CDKL3: variants seen among roughly 807,000 people sequenced by gnomAD.
CDKL3 encodes cyclin-dependent kinase-like 3.
In CDKL3, 65 loss-of-function variants were observed where a neutral mutation model predicts 69.3. The ratio of observed to expected loss-of-function variants is 0.94; its 90% CI spans 0.77 to 1.15. The LOEUF is 1.15. Among genes scored for constraint, CDKL3 ranks in the 50% most tolerant of loss-of-function variants. CDKL3 has a pLI of 0.00. For missense variants in CDKL3, 652 were observed against 689.2 expected, an observed-to-expected ratio of 0.95 and a Z score of 0.61; for synonymous variants, 202 against 221.6, an observed-to-expected ratio of 0.91 and a Z score of 0.79.
At chr5:134,331,916 G>C (rs953418446) in intron 4 of CDKL3, among the ~76,000 whole-genome samples, 1 of 151,610 alleles carries the variant, frequency 6.6e-6, no homozygotes, top group African/African-American at 2.4e-5. Context: ...TACACTCCCA[G>C]TGTAAAAGTG....
intron 4 of CDKL3, among the ~76,000 whole-genome samples, chr5:134,339,234 C>T (rs1416265303): frequency 2.0e-5 from 3 of 151,990 alleles, no homozygotes; most frequent in Non-Finnish European, 4.4e-5. Flanking sequence ...CAGCAAAAGG[C>T]AGAGACTGTC....
intron 6 of CDKL3, among the ~76,000 whole-genome samples, chr5:134,317,812 T>C (rs1372732967): frequency 6.6e-6 from 1 of 151,250 alleles, no homozygotes; most frequent in Non-Finnish European, 1.5e-5. Flanking sequence ...GGAGGCTGAG[T>C]TGGGAGGATC....
At chr5:134,333,753 T>C (rs1280004774) in intron 4 of CDKL3, among the ~76,000 whole-genome samples, 3 of 152,184 alleles carry the variant, frequency 2.0e-5, no homozygotes, top group South Asian at 2.1e-4. Flanking sequence ...ATGTTCATCA[T>C]TGATATTGGC....
chr5:134,326,837 A>AATGACC (rs1774431969), intron 4 of CDKL3, among the ~76,000 whole-genome samples: 1 of 30,606 alleles, frequency 3.3e-5, no homozygotes, highest in Non-Finnish European at 8.6e-5. Context: ...ATATATATAT[A>AATGACC]TATATATATA....
At chr5:134,327,995 G>T (rs553257362) in intron 4 of CDKL3, among the ~76,000 whole-genome samples, 1 of 152,106 alleles carries the variant, frequency 6.6e-6, no homozygotes, top group South Asian at 2.1e-4. Context: ...TTAGCCAGTC[G>T]CCATGATACA....
Position 134,304,473 on chromosome 5 carries a change from T to G in CDKL3, c.1553A>C (p.Asp518Ala). 3 of 1,613,016 alleles carry G rather than the reference T, an allele frequency of 1.9e-6. No individual in the cohort carries two copies. The highest frequency in any genetic ancestry group is 2.5e-6 in the Non-Finnish European group (3 of 1,179,464). The part of the protein sequence containing the change: ...NKRKLNFSRS[D>A]RKEFHFPELP... ...TTCTGGAAAATGGAATTCTTTCCTGTCAGATCTGGAAAAATTCAGCTTCCT... is the reference window on the plus strand; with the variant it reads ...TTCTGGAAAATGGAATTCTTTCCTGGCAGATCTGGAAAAATTCAGCTTCCT... The change falls in exon 11 of 13, where the codon GAC (aspartate) becomes GCC (alanine). Residue 518 changes from aspartate (D) to alanine (A), a missense_variant. Physicochemically the swap from Asp to Ala is moderately radical, Grantham distance 126. Coordinates refer to ENST00000265334, the MANE Select transcript of CDKL3 (RefSeq NM_001113575.2).
chr5:134,299,358 G>T, intron 12 of CDKL3: 1 of 364,596 alleles, frequency 2.7e-6, no homozygotes, highest in Non-Finnish European at 4.2e-6. Context: ...TAATTATAAA[G>T]CCCTAAACCA....
intron 2 of CDKL3, among the ~76,000 whole-genome samples, chr5:134,360,736 C>T (rs1755803108): frequency 6.6e-6 from 1 of 151,902 alleles, no homozygotes; most frequent in Non-Finnish European, 1.5e-5. Context: ...ATTTAACACC[C>T]AAAATTTAAA....
In CDKL3 at chr5:134,363,902, G is replaced by A. The variant is rs150076784; in HGVS notation, c.165+2457C>T. On this transcript the variant is annotated intron_variant, in intron 2 of 12. Coordinates refer to ENST00000265334, the MANE Select transcript of CDKL3 (RefSeq NM_001113575.2). ...AAGCCCAGGTGATGGAGGCTGCAGT[G>A]AGCTATGATCATGCCACTGCGCTGC... 1.2e-3 allele frequency among the ~76,000 whole-genome samples: 185 copies of A among 148,052 alleles called. 3 individuals carry two copies. In the East Asian group the frequency reaches 0.033, roughly 26 times the overall value.
intron 3 of CDKL3, among the ~76,000 whole-genome samples, chr5:134,352,203 C>T (rs1581183900): frequency 6.6e-6 from 1 of 152,126 alleles, no homozygotes. Context: ...CACATCATCA[C>T]AAATGATTTC....
Position 134,367,106 on chromosome 5 carries a change from T to A in CDKL3, c.-151A>T. 1 of 986,120 alleles carries A rather than the reference T, an allele frequency of 1.0e-6. No individual in the cohort carries two copies. 61.1% of individuals were successfully genotyped at this position (986,120 alleles called of 1,614,324 possible). ...GCCACCGAACACTGATACTACTTTGTTGCTCAGCCCCGCAAGGAACCGGCC... is the reference window on the plus strand; with the variant it reads ...GCCACCGAACACTGATACTACTTTGATGCTCAGCCCCGCAAGGAACCGGCC... On this transcript the variant is annotated 5_prime_UTR_variant, in exon 1 of 13. Transcript: ENST00000265334.
chr5:134,299,991 T>C (rs1371392721), intron 12 of CDKL3, among the ~76,000 whole-genome samples: 1 of 152,162 alleles, frequency 6.6e-6, no homozygotes, highest in Non-Finnish European at 1.5e-5. Flanking sequence ...CTCTCTCTGG[T>C]TATAGAACCT....
At chr5:134,326,825 A>G (rs1439660781) in intron 4 of CDKL3, among the ~76,000 whole-genome samples, 1 of 104,184 alleles carries the variant, frequency 9.6e-6, no homozygotes, top group African/African-American at 5.4e-5. Context: ...GTGTATATAT[A>G]TATATATATA....
intron 2 of CDKL3, among the ~76,000 whole-genome samples, chr5:134,364,260 G>T (rs975215481): frequency 2.0e-5 from 3 of 152,096 alleles, no homozygotes; most frequent in Non-Finnish European, 2.9e-5. Context: ...CTCCTGGGCT[G>T]AACTGTCACA....
intron 3 of CDKL3, among the ~76,000 whole-genome samples, chr5:134,354,271 T>C (rs1754022336): frequency 6.6e-6 from 1 of 152,230 alleles, no homozygotes; most frequent in African/African-American, 2.4e-5. Context: ...GTGCTCAGTA[T>C]AGTGCCTAGA....
chr5:134,329,053 C>A (rs1233793365), intron 4 of CDKL3, among the ~76,000 whole-genome samples: 1 of 152,134 alleles, frequency 6.6e-6, no homozygotes, highest in African/African-American at 2.4e-5. Flanking sequence ...TTCAAATCCA[C>A]AGGAAGGCCA....
At position 134,312,335 on chromosome 5, in the gene CDKL3, G is replaced by C. The variant is rs954197742; in HGVS notation, c.838C>G (p.Leu280Val). 1.9e-6 allele frequency: 3 copies of C among 1,600,522 alleles called. No homozygotes were observed. The highest frequency in any genetic ancestry group is 2.6e-6 in the Non-Finnish European group (3 of 1,174,058). Residue 280 changes from leucine to valine, a missense_variant, in exon 7 of 13, where the codon CTT becomes GTT. Physicochemically the swap from Leu to Val is conservative, Grantham distance 32 (BLOSUM62 1). Coordinates refer to ENST00000265334, the MANE Select transcript of CDKL3 (RefSeq NM_001113575.2). ...CTAGTAAAATACTCATGATGCAAAAGATCACTAGATGATATCCTGTCAGCA... is the reference window on the plus strand; with the variant it reads ...CTAGTAAAATACTCATGATGCAAAACATCACTAGATGATATCCTGTCAGCA... Reference protein sequence around the residue: ...DPADRISSSDLLHHEYFTRDG... With the variant: ...DPADRISSSDVLHHEYFTRDG...
intron 12 of CDKL3, among the ~76,000 whole-genome samples, chr5:134,301,692 T>C (rs1269831638): frequency 1.3e-5 from 2 of 151,956 alleles, no homozygotes; most frequent in African/African-American, 4.8e-5. Flanking sequence ...CCATCCTGGC[T>C]AACACAGTGA....
chr5:134,319,295 A>G, intron 6 of CDKL3, 63 bp downstream of exon 6: 1 of 1,301,592 alleles, frequency 7.7e-7, no homozygotes, highest in Non-Finnish European at 1.0e-6. Flanking sequence ...ACTCCACTGC[A>G]CTACAGCCTG....
Sources: allele counts gnomAD v4.1 joint callset (sites outside exome capture counted in the v4.1 genomes callset), GRCh38; gene constraint gnomAD v4.1.1; transcripts MANE v1.5; gene names NCBI Gene and HGNC (gene_info 2026-07-23, HGNC 2026-07-21).